PKM: variants seen among roughly 807,000 people sequenced by gnomAD.
PKM encodes pyruvate kinase PKM.
PKM carries 18 observed loss-of-function variants against 49.8 expected under a neutral mutation model. The observed-to-expected ratio is 0.36, with a 90% confidence interval of 0.25 to 0.54. The LOEUF is 0.54. Ranked by LOEUF, PKM falls within the 20% of genes least tolerant of loss-of-function variation. The probability of loss-of-function intolerance (pLI) is 0.89; values close to 1 mark genes in which losing one functional copy is unlikely to be tolerated. For synonymous variants in PKM, 239 were observed against 261.8 expected (o/e 0.91, Z 0.84); for missense variants, 508 against 713.8 (o/e 0.71, Z 3.28).
At chr15:72,208,319 G>T (rs947080069) in intron 6 of PKM, among the ~76,000 whole-genome samples, 1 of 152,016 alleles carries the variant, frequency 6.6e-6, no homozygotes, top group Admixed American at 6.6e-5. Context: ...GAACATCATG[G>T]CCCCTGGTCC....
At chr15:72,211,864 G>A (rs903887922) in intron 3 of PKM, among the ~76,000 whole-genome samples, 1 of 151,532 alleles carries the variant, frequency 6.6e-6, no homozygotes, top group Non-Finnish European at 1.5e-5. Context: ...CTCTAAGATA[G>A]TGTCATCAAT....
At chr15:72,230,763 C>T (rs776056682) in intron 1 of PKM, 1 of 372,916 alleles carries the variant, frequency 2.7e-6, no homozygotes, top group Non-Finnish European at 5.1e-6. Flanking sequence ...AAAGGGGAAG[C>T]AAGGGTGGAA....
intron 5 of PKM, 94 bp from the exon 6 acceptor site, chr15:72,208,985 G>A: frequency 7.4e-7 from 1 of 1,359,040 alleles, no homozygotes; most frequent in South Asian, 1.2e-5. Flanking sequence ...GAGCTGGGAA[G>A]TGGTGCATTA....
In PKM at chr15:72,202,374, G is replaced by A. The variant is rs143577436; in HGVS notation, c.1307+80C>T. 2.3e-4 allele frequency: 328 copies of A among 1,421,538 alleles called. 1 individual carries two copies. The African/African-American group carries it at 3.5e-3, about 15-fold the overall frequency. 88.1% of individuals were successfully genotyped at this position (1,421,538 alleles called of 1,614,324 possible). The stretch of plus-strand genomic sequence containing the variant: ...CTTGGCTCAGTGCCACCTGAGCATT[G>A]TTCAATGGACTGCTCCCAGGACCCC... On this transcript the variant is annotated intron_variant, in intron 9 of 10. Transcript: ENST00000335181. The surrounding 1 kb of genome is among the most constrained non-coding windows in gnomAD (Gnocchi z 4.5).
At chr15:72,225,024 C>T (rs1418580268) in intron 1 of PKM, among the ~76,000 whole-genome samples, 1 of 148,786 alleles carries the variant, frequency 6.7e-6, no homozygotes, top group Non-Finnish European at 1.5e-5. Context: ...CAGGTTCAGG[C>T]CATTCTCCTG....
chr15:72,211,819 A>C (rs2082261266), intron 3 of PKM, among the ~76,000 whole-genome samples: 1 of 152,060 alleles, frequency 6.6e-6, no homozygotes, highest in South Asian at 2.1e-4. Flanking sequence ...AAGAAAAAAA[A>C]AAAAAAAAGA....
In PKM at chr15:72,199,157, T is replaced by G. The variant is rs1596708864; in HGVS notation, c.*493A>C. On this transcript the variant is annotated 3_prime_UTR_variant, in exon 11 of 11. Transcript: ENST00000335181. The stretch of plus-strand genomic sequence containing the variant: ...TGCTGCAGGACAGCTGAGTGGAGGG[T>G]GGGGACAGGTGCAAACTGGAGAGGC... 2 of 326,330 alleles carry G rather than the reference T, an allele frequency of 6.1e-6. No individual in the cohort carries two copies. Among genetic ancestry groups the G allele is most frequent in the South Asian group, 2.5e-5 (1 of 40,638 alleles). The allele number at this position is 326,330 out of a possible 1,614,324, so 20.2% of individuals were successfully genotyped here.
chr15:72,229,601 A>T (rs921652269), intron 1 of PKM: 10 of 1,282,392 alleles, frequency 7.8e-6, no homozygotes, highest in Non-Finnish European at 3.1e-6. Flanking sequence ...TGCATCTTCT[A>T]ATCCAGTGTG....
chr15:72,211,347 G>A (rs1227992050), intron 3 of PKM, among the ~76,000 whole-genome samples: 6 of 152,098 alleles, frequency 3.9e-5, no homozygotes, highest in African/African-American at 9.7e-5. Context: ...GATTACAGGC[G>A]TGAGCCACTG....
At chr15:72,220,037 G>A (rs2082480829) in intron 1 of PKM, among the ~76,000 whole-genome samples, 1 of 152,200 alleles carries the variant, frequency 6.6e-6, no homozygotes, top group East Asian at 1.9e-4. Context: ...CAGCCTGTTA[G>A]TTAGCTGATT....
chr15:72,216,050 G>A (rs973279080), intron 3 of PKM, among the ~76,000 whole-genome samples: 1 of 152,166 alleles, frequency 6.6e-6, no homozygotes, highest in Non-Finnish European at 1.5e-5. Flanking sequence ...ACACAGGTTA[G>A]GGAATCTATG....
intron 3 of PKM, among the ~76,000 whole-genome samples, chr15:72,211,433 C>A (rs2082251654): frequency 6.6e-6 from 1 of 152,136 alleles, no homozygotes; most frequent in South Asian, 2.1e-4. Flanking sequence ...AAATGAACTG[C>A]CCTTTATTAC....
rs1379128216 is a variant in PKM at position 72,199,509 on chromosome 15, G to A, written c.*141C>T. The stretch of plus-strand genomic sequence containing the variant: ...TGCAAACACAGCCATGTTTCAGTGA[G>A]GCGTTGATCTTCTTCCCTGGTGTCC... On this transcript the variant is annotated 3_prime_UTR_variant, in exon 11 of 11. Transcript: ENST00000335181. 2 of 720,312 alleles carry A rather than the reference G, an allele frequency of 2.8e-6. No homozygotes were observed. Among genetic ancestry groups the A allele is most frequent in the South Asian group, 3.0e-5 (2 of 67,052 alleles). The allele number at this position is 720,312 out of a possible 1,614,324, so 44.6% of individuals were successfully genotyped here. A position where few individuals can be genotyped will look rare whatever the true frequency, so the allele number is the denominator to read the frequency against.
At chr15:72,203,672 C>T (rs541527231) in intron 8 of PKM, 1 of 177,444 alleles carries the variant, frequency 5.6e-6, no homozygotes, top group East Asian at 1.4e-4. Flanking sequence ...CGGGGATGCA[C>T]TGAGCCTTTC....
At chr15:72,222,453 G>A (rs866590017) in intron 1 of PKM, 1 of 152,394 alleles carries the variant, frequency 6.6e-6, no homozygotes, top group South Asian at 2.1e-4. Context: ...CACGTACCTA[G>A]AGTTGTATGT....
chr15:72,226,522 T>G (rs2082674961), intron 1 of PKM, among the ~76,000 whole-genome samples: 1 of 151,994 alleles, frequency 6.6e-6, no homozygotes, highest in African/African-American at 2.4e-5. Context: ...GGTGCGAGAC[T>G]CCGTCTCAAA....
At chr15:72,228,527 G>A in intron 1 of PKM, 1 of 632,414 alleles carries the variant, frequency 1.6e-6, no homozygotes, top group Middle Eastern at 2.9e-4. Context: ...TGAAAGGGGA[G>A]AAGGGACTTT....
chr15:72,221,189 C>G lies in PKM; in HGVS notation c.-13-2079G>C, dbSNP rs546024325. The G allele has an allele frequency of 1.6e-4, 239 of 1,534,584 alleles. 2 individuals carry two copies. The highest frequency in any genetic ancestry group is 8.3e-4 in the South Asian group (70 of 84,046). ...ATACCTTTGGTTCTCTGGGGTTGGG[C>G]TTCCGGTGACATAATGCTCCCCTTT... On this transcript the variant is annotated intron_variant, in intron 1 of 10. Transcript: ENST00000335181.
At chr15:72,215,837 C>T (rs925808717) in intron 3 of PKM, among the ~76,000 whole-genome samples, 1 of 152,164 alleles carries the variant, frequency 6.6e-6, no homozygotes, top group African/African-American at 2.4e-5. Context: ...GTCTTCAGCT[C>T]TCTCTAAGCT....
Sources: allele counts gnomAD v4.1 joint callset (sites outside exome capture counted in the v4.1 genomes callset), GRCh38; gene constraint gnomAD v4.1.1; non-coding constraint Gnocchi (gnomAD v3.1); transcripts MANE v1.5; gene names NCBI Gene and HGNC (gene_info 2026-07-23, HGNC 2026-07-21).